Variants in EFCAB13 observed in about 807,000 individuals in gnomAD.
EFCAB13 encodes the protein EF-hand calcium binding domain 13.
EFCAB13 carries 91 observed loss-of-function variants against 110.2 expected under a neutral mutation model. The observed-to-expected ratio is 0.83, with a 90% CI of 0.70 to 0.98. The LOEUF is 0.98. Ranked by LOEUF, EFCAB13 falls within the 50% of genes least tolerant of loss-of-function variation. The pLI, the probability that EFCAB13 is intolerant of heterozygous loss-of-function variation, is 0.00. For synonymous variants in EFCAB13, 323 were observed against 369.9 expected (o/e 0.87, Z 1.45); for missense variants, 968 against 1,119.4 (o/e 0.86, Z 1.93).
intron 9 of EFCAB13, among the ~76,000 whole-genome samples, chr17:47,356,631 G>A (rs2175287): frequency 0.088 from 13,365 of 152,238 alleles, 846 homozygotes; most frequent in East Asian, 0.35. Flanking sequence ...GGTAGCAGGG[G>A]AGTGAAGTGG....
At chr17:47,411,649 T>A (rs1598756818) in intron 21 of EFCAB13, among the ~76,000 whole-genome samples, 1 of 152,354 alleles carries the variant, frequency 6.6e-6, no homozygotes, top group East Asian at 1.9e-4. Flanking sequence ...GTAGAATGAA[T>A]GTAGGTCTAA....
chr17:47,350,513 G>C (rs898387994), intron 9 of EFCAB13, among the ~76,000 whole-genome samples: 2 of 151,958 alleles, frequency 1.3e-5, no homozygotes, highest in South Asian at 2.1e-4. Context: ...ACCTTTCCCA[G>C]GCAAGAACCA....
intron 4 of EFCAB13, among the ~76,000 whole-genome samples, chr17:47,330,973 G>T (rs1343010449): frequency 1.3e-5 from 2 of 152,106 alleles, no homozygotes; most frequent in Admixed American, 6.6e-5. Flanking sequence ...TCTGGCTGGG[G>T]TAAGGTGATA....
intron 4 of EFCAB13, chr17:47,329,826 C>T (rs915131180): frequency 3.3e-5 from 5 of 152,068 alleles, no homozygotes; most frequent in African/African-American, 1.2e-4. Flanking sequence ...TTTTCAATCT[C>T]TTTAGGAATC....
intron 6 of EFCAB13, 144 bp downstream of exon 6, chr17:47,342,176 T>C (rs530596431): frequency 8.0e-6 from 4 of 503,018 alleles, no homozygotes; most frequent in Admixed American, 8.4e-5. Context: ...CTTCTGTTCT[T>C]AATTCTCCTT....
Position 47,414,912 on chromosome 17 carries a change from G to A in EFCAB13, c.2487G>A (p.Lys829=). 6.3e-7 allele frequency: 1 copy of A among 1,595,994 alleles called. No individual in the cohort carries two copies. Among genetic ancestry groups the A allele is most frequent in the Non-Finnish European group, 8.6e-7 (1 of 1,165,618 alleles). Residue 829 remains lysine, a synonymous_variant, in exon 23 of 25, where the codon AAG becomes AAA. Transcript: ENST00000331493. The stretch of plus-strand genomic sequence containing the variant: ...TGAAAGAAAGTCCACATTTCCAAAA[G>A]TCCAAGGGTAAGTGAATACTTCTTG... ...MKMKESPHFQ[K]SKATQILLAT...
intron 4 of EFCAB13, among the ~76,000 whole-genome samples, chr17:47,332,006 A>T (rs2065322263): frequency 6.6e-6 from 1 of 152,204 alleles, no homozygotes; most frequent in Non-Finnish European, 1.5e-5. Context: ...TTTGGCAATT[A>T]TGAGTACAGC....
intron 19 of EFCAB13, among the ~76,000 whole-genome samples, 195 bp from the exon 20 acceptor site, chr17:47,404,367 A>G (rs2065794511): frequency 6.6e-6 from 1 of 152,180 alleles, no homozygotes; most frequent in Admixed American, 6.5e-5. Flanking sequence ...TTCCCATTAT[A>G]GGTAGAATCA....
chr17:47,434,535 T>TA lies in EFCAB13; in HGVS notation c.2638+4581dup, dbSNP rs546824292. 3.0e-3 allele frequency among the ~76,000 whole-genome samples: 463 copies of TA among 151,962 alleles called. 2 individuals carry two copies. Among genetic ancestry groups the TA allele is most frequent in the South Asian group, 6.9e-3 (33 of 4,810 alleles). On this transcript the variant is annotated intron_variant, in intron 24 of 24. Coordinates refer to ENST00000331493, the MANE Select transcript of EFCAB13 (RefSeq NM_152347.5). ...GTACCATGATCATTCTTCACAGAAC[T>TA]AAAAAAAGTCCTAAAATTCATATGG...
chr17:47,348,936 T>C (rs2065433147), intron 9 of EFCAB13, among the ~76,000 whole-genome samples: 1 of 152,214 alleles, frequency 6.6e-6, no homozygotes, highest in Admixed American at 6.5e-5. Context: ...TGCAATTTTT[T>C]CTTTCATGAA....
At chr17:47,376,253 C>G (rs967854691) in intron 12 of EFCAB13, among the ~76,000 whole-genome samples, 1 of 152,158 alleles carries the variant, frequency 6.6e-6, no homozygotes, top group African/African-American at 2.4e-5. Context: ...CATCCTGATT[C>G]TGATTCCTTT....
intron 17 of EFCAB13, 47 bp downstream of exon 17, chr17:47,396,024 T>TTTA (rs752961559): frequency 6.7e-7 from 1 of 1,502,350 alleles, no homozygotes; most frequent in Non-Finnish European, 9.0e-7. Flanking sequence ...AAGATATTAC[T>TTTA]TTATTTTCTG....
intron 4 of EFCAB13, among the ~76,000 whole-genome samples, chr17:47,329,214 A>G (rs1161448106): frequency 6.6e-6 from 1 of 151,908 alleles, no homozygotes; most frequent in Middle Eastern, 3.4e-3. Flanking sequence ...TAAGTAAACA[A>G]GGGGGGCATT....
At chr17:47,349,107 A>G (rs1187572839) in intron 9 of EFCAB13, among the ~76,000 whole-genome samples, 1 of 152,238 alleles carries the variant, frequency 6.6e-6, no homozygotes, top group Non-Finnish European at 1.5e-5. Context: ...AAGTGGAGAC[A>G]GACAACTTGA....
At chr17:47,401,167 A>G (rs1053641529) in intron 17 of EFCAB13, among the ~76,000 whole-genome samples, 1 of 152,242 alleles carries the variant, frequency 6.6e-6, no homozygotes, top group Non-Finnish European at 1.5e-5. Context: ...TTCAAGTGTC[A>G]ATTTAAAGCT....
At chr17:47,348,481 A>C (rs2065430281) in intron 9 of EFCAB13, among the ~76,000 whole-genome samples, 2 of 152,080 alleles carry the variant, frequency 1.3e-5, no homozygotes, top group South Asian at 2.1e-4. Flanking sequence ...TTGTTTAAAA[A>C]ACTTTAGTAA....
intron 22 of EFCAB13, 56 bp from the exon 23 acceptor site, chr17:47,414,792 T>C: frequency 2.6e-6 from 3 of 1,139,538 alleles, no homozygotes; most frequent in Non-Finnish European, 3.9e-6. Flanking sequence ...CTTTATTTCA[T>C]GTGCCAATTC....
chr17:47,335,348 T>C lies in EFCAB13; in HGVS notation c.183T>C (p.Tyr61=), dbSNP rs1380591325. The C allele has an allele frequency of 6.3e-7, 1 of 1,582,620 alleles. No homozygotes were observed. The highest frequency in any genetic ancestry group is 1.4e-5 in the African/African-American group (1 of 72,788). The change falls in exon 5 of 25, where the codon TAT becomes TAC. Residue 61 remains tyrosine (Y), a synonymous_variant. Transcript: ENST00000331493. ...AAATTAGGAGTTTGAGCCCAGAATA[T>C]AAAAAAATGTAAGTTAAAAACTCTG... ...SPEIRSLSPE[Y]KKIFETSIIF...
intron 14 of EFCAB13, among the ~76,000 whole-genome samples, chr17:47,384,142 C>T (rs2065662323): frequency 6.7e-6 from 1 of 148,414 alleles, no homozygotes; most frequent in African/African-American, 2.5e-5. Flanking sequence ...ATTGCAACCC[C>T]CAGTTTTTTT....
Sources: gnomAD v4.1 joint callset for allele counts (sites outside exome capture counted in the v4.1 genomes callset) on GRCh38, gnomAD v4.1.1 for gene constraint, MANE v1.5 for transcripts, NCBI Gene and HGNC (gene_info 2026-07-23, HGNC 2026-07-21) for gene names.